APOLD1: variants seen among roughly 807,000 people sequenced by gnomAD.
APOLD1 encodes the protein apolipoprotein L domain containing 1, also known as apolipoprotein L domain-containing protein 1.
A neutral mutation model predicts 15.3 loss-of-function variants in APOLD1; 22 were observed. The ratio of observed to expected loss-of-function variants is 1.44; its 90% CI spans 1.03 to 2.05. The LOEUF is 2.05. APOLD1 is among the 30% of genes most tolerant of loss of function. APOLD1 has a pLI of 0.00. For synonymous variants in APOLD1, 190 were observed against 167.4 expected (o/e 1.13, Z -1.04); for missense variants, 394 against 353.5 (o/e 1.11, Z -0.92).
Position 12,788,010 on chromosome 12 carries a change from G to A in APOLD1, c.*358G>A, listed in dbSNP as rs901163618. The stretch of plus-strand genomic sequence containing the variant: ...GTGGCTTGGCCTGAGACTGGAGAGA[G>A]TGCCATCCTCTGGGTCCTCTCCAAG... On this transcript the variant is annotated 3_prime_UTR_variant, in exon 2 of 2. Transcript: ENST00000356591. The A allele has an allele frequency of 4.7e-6, 1 of 214,154 alleles. No individual in the cohort carries two copies. The highest frequency in any genetic ancestry group is 2.3e-5 in the African/African-American group (1 of 42,912). The allele number at this position is 214,154 out of a possible 1,614,324, so 13.3% of individuals were successfully genotyped here.
chr12:12,730,681 A>G (rs1245640252), intron 1 of APOLD1, among the ~76,000 whole-genome samples: 14 of 106,376 alleles, frequency 1.3e-4, no homozygotes, highest in Admixed American at 4.4e-4. Flanking sequence ...GACTTCCTCT[A>G]AAAAAAAAAA....
intron 1 of APOLD1, among the ~76,000 whole-genome samples, chr12:12,758,183 A>G (rs1343626491): frequency 2.1e-5 from 3 of 144,672 alleles, no homozygotes; most frequent in African/African-American, 5.1e-5. Context: ...TGATCTGCCC[A>G]CCTTGGCCTC....
At position 12,755,279 on chromosome 12, in the gene APOLD1, C is replaced by T. The variant is rs529159191; in HGVS notation, c.96+29183C>T. 8.6e-5 allele frequency among the ~76,000 whole-genome samples: 13 copies of T among 151,416 alleles called. No homozygotes were observed. In the South Asian group the frequency reaches 2.7e-3, roughly 32 times the overall value. ...GAGATCCCTAGCTCACTTCATATAA[C>T]AAAAACAAATTTCACAGAAGGATTC... is the stretch of plus-strand genomic sequence containing the variant. On this transcript the variant is annotated intron_variant, in intron 1 of 1. Transcript: ENST00000326765.
At chr12:12,774,833 T>A (rs1314688468) in intron 1 of APOLD1, among the ~76,000 whole-genome samples, 1 of 152,108 alleles carries the variant, frequency 6.6e-6, no homozygotes, top group Non-Finnish European at 1.5e-5. Flanking sequence ...CAGCAGAAAC[T>A]CTCCTTCATT....
chr12:12,773,011 C>A (rs1037490670), intron 1 of APOLD1, among the ~76,000 whole-genome samples: 1 of 151,646 alleles, frequency 6.6e-6, no homozygotes, highest in Non-Finnish European at 1.5e-5. Flanking sequence ...CCCAGGAGTT[C>A]GAGGTTATAG....
Position 12,788,291 on chromosome 12 carries a change from A to G in APOLD1, c.*639A>G, listed in dbSNP as rs1947151164. The G allele has an allele frequency of 6.6e-6, 1 of 152,224 alleles. No individual in the cohort carries two copies. Among genetic ancestry groups the G allele is most frequent in the African/African-American group, 2.4e-5 (1 of 41,426 alleles). The allele number at this position is 152,224 out of a possible 1,614,324, so 9.4% of individuals were successfully genotyped here. ...GAGTGGCTCCCAATCCAGTCCTCCA[A>G]GTACTCAGAGGGGAAGCCCGTGAAG... On this transcript the variant is annotated 3_prime_UTR_variant, in exon 2 of 2. Coordinates refer to ENST00000356591, the MANE Select transcript of APOLD1 (RefSeq NM_030817.3).
At chr12:12,754,500 A>C (rs1414666212) in intron 1 of APOLD1, among the ~76,000 whole-genome samples, 2 of 151,650 alleles carry the variant, frequency 1.3e-5, no homozygotes, top group Non-Finnish European at 2.9e-5. Flanking sequence ...CCCAGGCTGG[A>C]GTGCAGTGGC....
intron 1 of APOLD1, among the ~76,000 whole-genome samples, chr12:12,731,559 T>TA (rs1337553744): frequency 1.3e-5 from 2 of 152,026 alleles, no homozygotes; most frequent in African/African-American, 2.4e-5. Context: ...CCCCAATAAA[T>TA]AAAGAGTTTC....
chr12:12,770,138 G>A (rs542747518), intron 1 of APOLD1, among the ~76,000 whole-genome samples: 22 of 152,266 alleles, frequency 1.4e-4, no homozygotes, highest in Non-Finnish European at 2.9e-4. Flanking sequence ...GGCCGGGGGC[G>A]GTGGCTCACG....
At chr12:12,777,832 G>A (rs79947262) in intron 1 of APOLD1, among the ~76,000 whole-genome samples, 8,505 of 150,820 alleles carry the variant, frequency 0.056, 340 homozygotes, top group Admixed American at 0.11. Context: ...AGAGGGTATA[G>A]GAGGTGGATG....
chr12:12,760,690 C>T (rs187864432), intron 1 of APOLD1, among the ~76,000 whole-genome samples: 89 of 151,548 alleles, frequency 5.9e-4, no homozygotes, highest in Admixed American at 4.9e-3. Context: ...AAACAAAACC[C>T]TTATGTCCAT....
rs554830752 is a variant in APOLD1 at position 12,788,941 on chromosome 12, C to A, written c.*1289C>A. 3.3e-5 allele frequency: 5 copies of A among 152,206 alleles called. No homozygotes were observed. The East Asian group carries it at 9.7e-4, about 29-fold the overall frequency. 9.4% of individuals were successfully genotyped at this position (152,206 alleles called of 1,614,324 possible). A position where few individuals can be genotyped will look rare whatever the true frequency, so the allele number is the denominator to read the frequency against. On this transcript the variant is annotated 3_prime_UTR_variant, in exon 2 of 2. Coordinates refer to ENST00000356591, the MANE Select transcript of APOLD1 (RefSeq NM_030817.3). ...ACGTGCACCCTGGGGCAGTGTCTCA[C>A]CGTATGAACAAGGGATGTAACACTA...
intron 1 of APOLD1, among the ~76,000 whole-genome samples, chr12:12,734,105 G>A (rs1374080553): frequency 6.6e-6 from 1 of 152,126 alleles, no homozygotes; most frequent in Non-Finnish European, 1.5e-5. Context: ...GCATGTTTGT[G>A]TACATGGTTT....
chr12:12,787,105 C>T lies in APOLD1; in HGVS notation c.200C>T (p.Ala67Val). Residue 67 changes from alanine to valine, a missense_variant, in exon 2 of 2, where the codon GCC becomes GTC. By Grantham distance (64) the Ala-to-Val change is moderately conservative (BLOSUM62 0). Transcript: ENST00000356591. The surrounding 1 kb of genome is among the most constrained non-coding windows in gnomAD (Gnocchi z 4.9). ...VAGSSLSATG[A>V]LAAIVGLSLS... ...GGCAGCTCGCTGAGCGCAACGGGCG[C>T]CCTCGCCGCCATCGTGGGGCTCTCG... The T allele has an allele frequency of 7.0e-7, 1 of 1,418,700 alleles. No individual in the cohort carries two copies. Among genetic ancestry groups the T allele is most frequent in the Non-Finnish European group, 9.1e-7 (1 of 1,097,136 alleles). 87.9% of individuals were successfully genotyped at this position (1,418,700 alleles called of 1,614,324 possible).
At chr12:12,776,023 A>AAAAC (rs1947031070) in intron 1 of APOLD1, among the ~76,000 whole-genome samples, 3 of 147,434 alleles carry the variant, frequency 2.0e-5, no homozygotes, top group Non-Finnish European at 3.0e-5. Context: ...AAAAAAAAAA[A>AAAAC]AAACACAACA....
intron 1 of APOLD1, among the ~76,000 whole-genome samples, chr12:12,767,272 T>G (rs1341853898): frequency 6.6e-6 from 1 of 152,102 alleles, no homozygotes; most frequent in African/African-American, 2.4e-5. Flanking sequence ...GTTGGCCCTC[T>G]GTATTTGTGA....
chr12:12,736,761 G>A (rs764003766), intron 1 of APOLD1, among the ~76,000 whole-genome samples: 3 of 152,194 alleles, frequency 2.0e-5, no homozygotes, highest in Non-Finnish European at 4.4e-5. Context: ...ATTAAGTAAG[G>A]AGGGTGTAAT....
At chr12:12,760,260 A>T (rs554203068) in intron 1 of APOLD1, among the ~76,000 whole-genome samples, 1 of 152,280 alleles carries the variant, frequency 6.6e-6, no homozygotes, top group South Asian at 2.1e-4. Flanking sequence ...TGGGAGGCAG[A>T]GGCTGCAGTG....
intron 1 of APOLD1, among the ~76,000 whole-genome samples, chr12:12,730,057 TGTGTGTGTGTGTGTGTGTGTGAGAGAGA>T (rs1565424250): frequency 2.8e-5 from 3 of 106,528 alleles, no homozygotes; most frequent in African/African-American, 7.7e-5. Context: ...TGTGTGTGTG[TGTGTGTGTGTGTGTGTGTGTGAGAGAGA>T]GAGAGAGAGA....
Sources: gnomAD v4.1 joint callset for allele counts (sites outside exome capture counted in the v4.1 genomes callset) on GRCh38, gnomAD v4.1.1 for gene constraint, Gnocchi (gnomAD v3.1) non-coding constraint, MANE v1.5 for transcripts, NCBI Gene and HGNC (gene_info 2026-07-23, HGNC 2026-07-21) for gene names.